The following SHROOM4 variants were observed in gnomAD, a reference collection of about 807,000 sequenced individuals.
SHROOM4 encodes protein Shroom4.
In SHROOM4, 17 loss-of-function variants were observed where a neutral mutation model predicts 80.3. That is an observed-to-expected ratio of 0.21 (90% CI 0.14 to 0.32). The LOEUF is 0.32. SHROOM4 is among the 10% of genes least tolerant of loss of function. The pLI, the probability that SHROOM4 is intolerant of heterozygous loss-of-function variation, is 1.00. For missense variants in SHROOM4, 993 were observed against 1,140.3 expected (o/e 0.87, Z 1.86); for synonymous variants, 400 against 437.5 (o/e 0.91, Z 1.07).
intron 2 of SHROOM4, among the ~76,000 whole-genome samples, chrX:50,661,523 A>G (rs782258667): frequency 8.9e-6 from 1 of 112,283 alleles, no homozygotes; most frequent in African/African-American, 3.2e-5. Flanking sequence ...TGTTTTGCTT[A>G]GAAAGACTTT....
At chrX:50,793,346 T>G (rs1935890770) in intron 1 of SHROOM4, among the ~76,000 whole-genome samples, 1 of 110,184 alleles carries the variant, frequency 9.1e-6, no homozygotes, top group South Asian at 3.9e-4. Flanking sequence ...GATGAAGATG[T>G]TCTACAAATC....
At chrX:50,677,275 G>T (rs1033630332) in intron 2 of SHROOM4, among the ~76,000 whole-genome samples, 1 of 111,425 alleles carries the variant, frequency 9.0e-6, no homozygotes, top group African/African-American at 3.3e-5. Context: ...ATTAAGATTT[G>T]GGATGAGCTG....
chrX:50,766,303 CACT>C (rs1454921056), intron 1 of SHROOM4, among the ~76,000 whole-genome samples: 2 of 110,754 alleles, frequency 1.8e-5, no homozygotes, highest in Non-Finnish European at 3.8e-5. Flanking sequence ...TTCCTGCCAC[CACT>C]ACTTTTTCCC....
chrX:50,638,132 T>C, intron 3 of SHROOM4, 42 bp downstream of exon 3: 1 of 1,187,240 alleles, frequency 8.4e-7, no homozygotes, highest in Non-Finnish European at 1.1e-6. Context: ...GTCCAAGGTG[T>C]CTACCCTCCA....
chrX:50,752,709 T>C (rs965640715), intron 1 of SHROOM4, among the ~76,000 whole-genome samples: 1 of 112,028 alleles, frequency 8.9e-6, no homozygotes, highest in Non-Finnish European at 1.9e-5. Context: ...GAATCCTCAT[T>C]TATGCCAGAC....
At chrX:50,793,836 T>C (rs1469764399) in intron 1 of SHROOM4, among the ~76,000 whole-genome samples, 1 of 110,157 alleles carries the variant, frequency 9.1e-6, no homozygotes, top group Non-Finnish European at 1.9e-5. Flanking sequence ...TTTCAATAGT[T>C]AAAAACTAAT....
intron 1 of SHROOM4, among the ~76,000 whole-genome samples, chrX:50,754,884 T>C (rs782681394): frequency 1.2e-4 from 13 of 112,346 alleles, no homozygotes; most frequent in Non-Finnish European, 1.7e-4. Flanking sequence ...GAAAGTAGCA[T>C]GGGCTTTGGC....
intron 1 of SHROOM4, among the ~76,000 whole-genome samples, chrX:50,800,584 A>G (rs1265571967): frequency 9.0e-6 from 1 of 111,317 alleles, no homozygotes; most frequent in Admixed American, 9.5e-5. Flanking sequence ...AAGTCCTTCC[A>G]AGGATGCAGT....
At chrX:50,736,597 T>G (rs376781306) in intron 1 of SHROOM4, among the ~76,000 whole-genome samples, 11 of 112,425 alleles carry the variant, frequency 9.8e-5, no homozygotes, top group South Asian at 7.4e-4. Context: ...ATCATTTCTT[T>G]TTATGGCTGC....
intron 2 of SHROOM4, among the ~76,000 whole-genome samples, chrX:50,639,493 T>G (rs1931502891): frequency 9.0e-6 from 1 of 111,406 alleles, no homozygotes; most frequent in Non-Finnish European, 1.9e-5. Context: ...ACATGATAAA[T>G]AAGTAGATGA....
At position 50,651,950 on chromosome X, in the gene SHROOM4, T is replaced by C. The variant is rs181002348; in HGVS notation, c.270-13642A>G. Among the ~76,000 whole-genome samples, 751 of 111,836 alleles carry C rather than the reference T, an allele frequency of 6.7e-3. 9 individuals are homozygous for C. Among genetic ancestry groups the C allele is most frequent in the African/African-American group, 0.023 (703 of 30,713 alleles). ...TGGCTGCATAGTATTCCATGGTGTATATGTGCCATATTTTCTTTATCCAGT... is the reference window on the plus strand; with the variant it reads ...TGGCTGCATAGTATTCCATGGTGTACATGTGCCATATTTTCTTTATCCAGT... On this transcript the variant is annotated intron_variant, in intron 2 of 8. Coordinates refer to ENST00000376020, the MANE Select transcript of SHROOM4 (RefSeq NM_020717.5).
intron 2 of SHROOM4, among the ~76,000 whole-genome samples, chrX:50,661,710 T>C (rs1301172057): frequency 8.9e-6 from 1 of 112,383 alleles, no homozygotes; most frequent in Non-Finnish European, 1.9e-5. Flanking sequence ...TTGTCTTTTA[T>C]TCCTCTTTTA....
At chrX:50,601,877 C>T (rs782696271) in intron 7 of SHROOM4, among the ~76,000 whole-genome samples, 1 of 111,263 alleles carries the variant, frequency 9.0e-6, no homozygotes, top group South Asian at 3.8e-4. Context: ...GAGGAGCCCA[C>T]TGGCAGAAAC....
At chrX:50,644,493 G>A (rs781976100) in intron 2 of SHROOM4, among the ~76,000 whole-genome samples, 1 of 112,108 alleles carries the variant, frequency 8.9e-6, no homozygotes, top group South Asian at 3.8e-4. Flanking sequence ...ATGTGGATTT[G>A]TTGCACCCCC....
intron 2 of SHROOM4, among the ~76,000 whole-genome samples, chrX:50,670,683 A>G (rs1461746637): frequency 8.9e-6 from 1 of 111,991 alleles, no homozygotes; most frequent in Non-Finnish European, 1.9e-5. Flanking sequence ...AGGAATTGCC[A>G]CACTGTCTTC....
At chrX:50,738,213 G>T (rs1934546756) in intron 1 of SHROOM4, among the ~76,000 whole-genome samples, 1 of 111,194 alleles carries the variant, frequency 9.0e-6, no homozygotes, top group South Asian at 3.8e-4. Context: ...CAAACCCACA[G>T]CCAATATCAT....
At chrX:50,688,678 G>C (rs1933142424) in intron 2 of SHROOM4, among the ~76,000 whole-genome samples, 1 of 111,065 alleles carries the variant, frequency 9.0e-6, no homozygotes, top group Admixed American at 9.6e-5. Context: ...ATATTTATTT[G>C]GCTCTATAGA....
At chrX:50,768,396 G>A in intron 1 of SHROOM4, among the ~76,000 whole-genome samples, 1 of 112,065 alleles carries the variant, frequency 8.9e-6, no homozygotes, top group South Asian at 3.7e-4. Flanking sequence ...AAAACACTCA[G>A]AAGAAATTTA....
At chrX:50,724,943 C>T (rs782064637) in intron 1 of SHROOM4, among the ~76,000 whole-genome samples, 14 of 111,818 alleles carry the variant, frequency 1.3e-4, no homozygotes, top group South Asian at 3.8e-4. Context: ...CTCGGTGGAT[C>T]CTCTCCCATT....
Sources: gnomAD v4.1 joint callset for allele counts (sites outside exome capture counted in the v4.1 genomes callset) on GRCh38, gnomAD v4.1.1 for gene constraint, MANE v1.5 for transcripts, NCBI Gene and HGNC (gene_info 2026-07-23, HGNC 2026-07-21) for gene names.